SH3PXD2B: variants seen among roughly 807,000 people sequenced by gnomAD.
SH3PXD2B encodes the protein SH3 and PX domain-containing protein 2B.
A neutral mutation model predicts 73.1 loss-of-function variants in SH3PXD2B; 37 were observed. The ratio of observed to expected loss-of-function variants is 0.51; its 90% CI spans 0.39 to 0.67. The LOEUF (loss-of-function observed/expected upper bound fraction) is 0.67. Among genes scored for constraint, SH3PXD2B ranks in the 30% least tolerant of loss-of-function variants. The pLI, the probability that SH3PXD2B is intolerant of heterozygous loss-of-function variation, is 0.00. For synonymous variants in SH3PXD2B, 457 were observed against 480.5 expected, an observed-to-expected ratio of 0.95 and a Z score of 0.64; for missense variants, 1,053 against 1,197.8, an observed-to-expected ratio of 0.88 and a Z score of 1.78.
chr5:172,338,465 C>T lies in SH3PXD2B; in HGVS notation c.2640G>A (p.Glu880=), dbSNP rs1294839828. Residue 880 remains glutamate, a synonymous_variant, in exon 13 of 13, where the codon GAG becomes GAA. Transcript: ENST00000311601. The surrounding 1 kb of genome is among the most constrained non-coding windows in gnomAD (Gnocchi z 5.1). ...FQEGTVFEVR[E]KNSSGWWFCQ... ...AGAACCACCAGCCACTGCTGTTCTT[C>T]TCCCGGACTTCAAACACTGTCCCTT... The T allele has an allele frequency of 6.2e-7, 1 of 1,614,228 alleles. No individual in the cohort carries two copies. Among genetic ancestry groups the T allele is most frequent in the Non-Finnish European group, 8.5e-7 (1 of 1,180,042 alleles).
intron 6 of SH3PXD2B, among the ~76,000 whole-genome samples, chr5:172,368,500 A>ATATATATATAAAATATATATATTT: frequency 5.2e-5 from 1 of 19,148 alleles, no homozygotes; most frequent in Non-Finnish European, 7.8e-5. Flanking sequence ...TATATATTAT[A>ATATATATATAAAATATATATATTT]TATATATATA....
Position 172,339,409 on chromosome 5 carries a change from C to G in SH3PXD2B, c.1696G>C (p.Ala566Pro). 3.7e-6 allele frequency: 6 copies of G among 1,614,204 alleles called. No homozygotes were observed. In the East Asian group the frequency reaches 1.3e-4, roughly 36 times the overall value. ...TCCCGGGCTGGAGGGATGTGTTTGG[C>G]TGGCATCATCGGCAAAATCACGCCC... ...PPGVILPMMP[A>P]KHIPPARDSR... The change falls in exon 13 of 13, where the codon GCC (alanine) becomes CCC (proline). Residue 566 changes from alanine to proline, a missense_variant. This residue lies in a region of SH3PXD2B where 587 missense variants were observed against 590.7 expected (regional missense o/e 0.99). Transcript: ENST00000311601. The surrounding 1 kb of genome is among the most constrained non-coding windows in gnomAD (Gnocchi z 6.1).
chr5:172,418,612 T>C (rs1034087277), intron 2 of SH3PXD2B, among the ~76,000 whole-genome samples: 2 of 152,162 alleles, frequency 1.3e-5, no homozygotes, highest in Admixed American at 6.5e-5. Context: ...GGTGCGATCC[T>C]GCCCTAACCT....
intron 5 of SH3PXD2B, 46 bp downstream of exon 5, chr5:172,381,990 G>A (rs763753500): frequency 1.3e-5 from 19 of 1,486,594 alleles, no homozygotes; most frequent in Non-Finnish European, 9.3e-6. Context: ...CTGGCAGGAG[G>A]GAGGGCTGTG....
chr5:172,336,680 T>C lies in SH3PXD2B; in HGVS notation c.*1689A>G. 1.3e-5 allele frequency: 2 copies of C among 152,566 alleles called. No individual in the cohort carries two copies. Among genetic ancestry groups the C allele is most frequent in the Non-Finnish European group, 1.6e-5 (2 of 128,976 alleles). 9.5% of individuals were successfully genotyped at this position (152,566 alleles called of 1,614,324 possible). Reference sequence around the variant, plus strand: ...ATGAACACTGTGAACTGGAGATCTCTGGGGCAGGGCAGGGTGGGGAGGGGC... The same window carrying C: ...ATGAACACTGTGAACTGGAGATCTCCGGGGCAGGGCAGGGTGGGGAGGGGC... On this transcript the variant is annotated 3_prime_UTR_variant, in exon 13 of 13. Coordinates refer to ENST00000311601, the MANE Select transcript of SH3PXD2B (RefSeq NM_001017995.3).
chr5:172,408,328 C>G (rs1420912424), intron 2 of SH3PXD2B, among the ~76,000 whole-genome samples: 1 of 152,014 alleles, frequency 6.6e-6, no homozygotes, highest in Non-Finnish European at 1.5e-5. Flanking sequence ...AGTGCGGTGG[C>G]ACAATCATGG....
At chr5:172,418,877 T>C (rs1274443465) in intron 2 of SH3PXD2B, among the ~76,000 whole-genome samples, 1 of 152,058 alleles carries the variant, frequency 6.6e-6, no homozygotes, top group African/African-American at 2.4e-5. Context: ...ATAAGAAAGT[T>C]GAGTCGGAAC....
At chr5:172,333,182 G>C (rs910879380), downstream of SH3PXD2B, among the ~76,000 whole-genome samples, 57 of 152,066 alleles carry the variant, frequency 3.7e-4, no homozygotes, top group African/African-American at 1.3e-3. Flanking sequence ...TGATCGGCCC[G>C]CCTCGGCCTC....
intron 1 of SH3PXD2B, among the ~76,000 whole-genome samples, chr5:172,444,574 A>C (rs561061887): frequency 1.3e-5 from 2 of 152,368 alleles, no homozygotes; most frequent in Admixed American, 1.3e-4. Flanking sequence ...TTGAATCTTG[A>C]GAACAAAACA....
chr5:172,374,761 A>G (rs1321205432), intron 5 of SH3PXD2B, among the ~76,000 whole-genome samples: 3 of 152,164 alleles, frequency 2.0e-5, no homozygotes, highest in African/African-American at 7.2e-5. Flanking sequence ...AAGTTATCTC[A>G]TGAGTAATGA....
At chr5:172,434,782 G>GTTTTTGTTTTTTTGTTTTTTT (rs1554087271) in intron 1 of SH3PXD2B, among the ~76,000 whole-genome samples, 1 of 66,350 alleles carries the variant, frequency 1.5e-5, no homozygotes, top group African/African-American at 4.6e-5. Flanking sequence ...ATGGCCAATG[G>GTTTTTGTTTTTTTGTTTTTTT]TTTTTTTTTT....
In SH3PXD2B at chr5:172,399,463, T is replaced by C. The variant is rs190545148; in HGVS notation, c.233-4824A>G. The stretch of plus-strand genomic sequence containing the variant: ...CTTAACATGGGAAAGAGGATATGCT[T>C]GTGTTTCACCAGGAGATCATCAAAA... On this transcript the variant is annotated intron_variant, in intron 3 of 12. Coordinates refer to ENST00000311601, the MANE Select transcript of SH3PXD2B (RefSeq NM_001017995.3). Among the ~76,000 whole-genome samples the C allele has an allele frequency of 1.9e-4, 29 of 152,296 alleles. No homozygotes were observed. In the East Asian group the frequency reaches 5.4e-3, roughly 28 times the overall value.
At position 172,454,417 on chromosome 5, in the gene SH3PXD2B, G is replaced by T; in HGVS notation, c.-65C>A. 1.9e-6 allele frequency: 2 copies of T among 1,071,844 alleles called. No individual in the cohort carries two copies. The highest frequency in any genetic ancestry group is 2.3e-6 in the Non-Finnish European group (2 of 859,280). The allele number at this position is 1,071,844 out of a possible 1,614,324, so 66.4% of individuals were successfully genotyped here. On this transcript the variant is annotated 5_prime_UTR_variant, in exon 1 of 13. Transcript: ENST00000311601. ...GGTGGCGCGGGGTGCAGGGAGCGCT[G>T]GGGGCGCGCCGCCGCGGGCAGGGAA...
chr5:172,431,195 T>C (rs1759230886), intron 1 of SH3PXD2B, among the ~76,000 whole-genome samples: 1 of 152,206 alleles, frequency 6.6e-6, no homozygotes, highest in Non-Finnish European at 1.5e-5. Context: ...CTAACCCCCA[T>C]GGCCACAGCT....
chr5:172,435,817 T>C (rs983619611), intron 1 of SH3PXD2B, among the ~76,000 whole-genome samples: 6 of 138,246 alleles, frequency 4.3e-5, no homozygotes, highest in African/African-American at 1.0e-4. Context: ...CAGGAACAAA[T>C]TGGGTGACTG....
rs373261290 is a variant in SH3PXD2B, at chr5:172,345,051, CAAAG to C, written c.1188+1081_1188+1084del. ...GAGGAAAGGAAGAAGGGAAGGAAAA[CAAAG>C]GAAGGAGGAAGGAGGAAGGAAGGAG... On this transcript the variant is annotated intron_variant, in intron 12 of 12. Transcript: ENST00000311601. Among the ~76,000 whole-genome samples the C allele has an allele frequency of 5.9e-3, 773 of 131,956 alleles. 9 individuals are homozygous for C. The highest frequency in any genetic ancestry group is 0.022 in the African/African-American group (732 of 33,874). The allele number at this position is 131,956 out of a possible 152,430, so 86.6% of individuals were successfully genotyped here.
rs557204946 is a variant in SH3PXD2B, at chr5:172,339,883, T to G, written c.1222A>C (p.Ile408Leu). Residue 408 changes from isoleucine (I) to leucine (L), a missense_variant, in exon 13 of 13, where the codon ATT becomes CTT. Physicochemically the swap from Ile to Leu is conservative, Grantham distance 5 (BLOSUM62 2). Coordinates refer to ENST00000311601, the MANE Select transcript of SH3PXD2B (RefSeq NM_001017995.3). The surrounding 1 kb of genome is among the most constrained non-coding windows in gnomAD (Gnocchi z 6.1). ...IEKNLSGWWYIQIEDKEGWAP... is the reference protein window; with the variant it reads ...IEKNLSGWWYLQIEDKEGWAP... ...CACCCTTCCTTATCTTCAATCTGAA[T>G]GTACCACCAGCCACTCAAGTTTTTC... is the stretch of plus-strand genomic sequence containing the variant. The G allele has an allele frequency of 6.2e-7, 1 of 1,614,238 alleles. No homozygotes were observed. Among genetic ancestry groups the G allele is most frequent in the Non-Finnish European group, 8.5e-7 (1 of 1,180,046 alleles).
chr5:172,432,834 T>G (rs149556628), intron 1 of SH3PXD2B, among the ~76,000 whole-genome samples: 68 of 144,474 alleles, frequency 4.7e-4, no homozygotes, highest in African/African-American at 1.7e-3. Flanking sequence ...ATCACTTGAA[T>G]CTGCGAGGCG....
intron 7 of SH3PXD2B, among the ~76,000 whole-genome samples, chr5:172,359,570 G>T (rs1489304446): frequency 6.6e-6 from 1 of 152,114 alleles, no homozygotes; most frequent in Non-Finnish European, 1.5e-5. Context: ...GTAGAGCTGT[G>T]ACGTGTGCAC....
Sources: allele counts gnomAD v4.1 joint callset (sites outside exome capture counted in the v4.1 genomes callset), GRCh38; gene constraint gnomAD v4.1.1; regional missense constraint gnomAD v4.1.1; non-coding constraint Gnocchi (gnomAD v3.1); transcripts MANE v1.5; gene names NCBI Gene and HGNC (gene_info 2026-07-23, HGNC 2026-07-21).